Variants in FAAP100 observed in about 807,000 individuals in gnomAD.
FAAP100 encodes FA core complex associated protein 100, also known as Fanconi anemia core complex-associated protein 100.
A neutral mutation model predicts 65.8 loss-of-function variants in FAAP100; 46 were observed. The observed-to-expected ratio is 0.70, with a 90% CI of 0.55 to 0.89. The LOEUF (loss-of-function observed/expected upper bound fraction) is 0.89, where lower values mean the gene tolerates loss of function less well. FAAP100 is among the 40% of genes least tolerant of loss of function. FAAP100 has a pLI of 0.00. For missense variants in FAAP100, 1,165 were observed against 1,196.7 expected (o/e 0.97, Z 0.39); for synonymous variants, 663 against 555.1 (o/e 1.19, Z -2.73).
rs1240818001 is a variant in FAAP100, at chr17:81,540,011, C to T, written c.*808G>A. 2.8e-5 allele frequency: 11 copies of T among 398,886 alleles called. No homozygotes were observed. Among genetic ancestry groups the T allele is most frequent in the Non-Finnish European group, 4.4e-5 (10 of 226,194 alleles). 24.7% of individuals were successfully genotyped at this position (398,886 alleles called of 1,614,324 possible). A position where few individuals can be genotyped will look rare whatever the true frequency, so the allele number is the denominator to read the frequency against. On this transcript the variant is annotated 3_prime_UTR_variant, in exon 9 of 9. Coordinates refer to ENST00000327787, the MANE Select transcript of FAAP100 (RefSeq NM_025161.6). ...GAGCACCCTCCCCAGATGAAAACAC[C>T]AGCACCAGGAGGTGGGCCGTAGCCC...
In FAAP100 at chr17:81,541,411, GAC is replaced by G; in HGVS notation, c.2428-18_2428-17del. ...TCACCATCGTCTGGGGGACACAGGAGACATGCTGGAGAGGGTGTGCCCCAGCA... is the reference window on the plus strand; with the variant it reads ...TCACCATCGTCTGGGGGACACAGGAGATGCTGGAGAGGGTGTGCCCCAGCA... On this transcript the variant is annotated splice_polypyrimidine_tract_variant and intron_variant, in intron 7 of 8. Coordinates refer to ENST00000327787, the MANE Select transcript of FAAP100 (RefSeq NM_025161.6). 6.3e-7 allele frequency: 1 copy of G among 1,586,294 alleles called. No homozygotes were observed. The highest frequency in any genetic ancestry group is 8.6e-7 in the Non-Finnish European group (1 of 1,160,308).
At chr17:81,550,202 G>A in intron 3 of FAAP100, 46 bp downstream of exon 3, 5 of 1,510,388 alleles carry the variant, frequency 3.3e-6, no homozygotes, top group Non-Finnish European at 4.5e-6. Context: ...CAAAAAGGGT[G>A]CTCCACCCTG....
Position 81,540,762 on chromosome 17 carries a change from G to T in FAAP100, c.*57C>A. 6.9e-7 allele frequency: 1 copy of T among 1,455,762 alleles called. No individual in the cohort carries two copies. 90.2% of individuals were successfully genotyped at this position (1,455,762 alleles called of 1,614,324 possible). ...GTTTCCCTCTAACCCATGAGGCCTG[G>T]GGGGGCTGTGACAGAGGCTGGAAGC... On this transcript the variant is annotated 3_prime_UTR_variant, in exon 9 of 9. Coordinates refer to ENST00000327787, the MANE Select transcript of FAAP100 (RefSeq NM_025161.6).
At position 81,551,083 on chromosome 17, in the gene FAAP100, G is replaced by A; in HGVS notation, c.411C>T (p.Asp137=). ...DAALCAFTLL[D]SVLVTLVQGP... is the part of the protein sequence containing the mutation. Reference sequence around the variant, plus strand: ...CCTGCACCAGGGTGACCAGCACACTGTCCAGCAAGGTGAACGCGCACAGCG... The same window carrying A: ...CCTGCACCAGGGTGACCAGCACACTATCCAGCAAGGTGAACGCGCACAGCG... Residue 137 remains aspartate (D), a synonymous_variant, in exon 3 of 9, where the codon GAC becomes GAT. Transcript: ENST00000327787. 6.3e-7 allele frequency: 1 copy of A among 1,576,932 alleles called. No homozygotes were observed. The highest frequency in any genetic ancestry group is 8.6e-7 in the Non-Finnish European group (1 of 1,161,592).
At chr17:81,544,314 C>A (rs1352368400) in intron 6 of FAAP100, among the ~76,000 whole-genome samples, 194 bp from the exon 7 acceptor site, 1 of 152,242 alleles carries the variant, frequency 6.6e-6, no homozygotes, top group African/African-American at 2.4e-5. Flanking sequence ...CCTGAAGAAC[C>A]AGCCACCAAC....
rs1050319000 is a variant in FAAP100 at position 81,540,140 on chromosome 17, C to T, written c.*679G>A. On this transcript the variant is annotated 3_prime_UTR_variant, in exon 9 of 9. Transcript: ENST00000327787. ...TAGTGCACAGTGCTGGGTACTGCCC[C>T]GGCTGGAGGCACCTAGTTGTTGAGC... 22 of 398,534 alleles carry T rather than the reference C, an allele frequency of 5.5e-5. No individual in the cohort carries two copies. The highest frequency in any genetic ancestry group is 3.1e-4 in the African/African-American group (15 of 48,620). 24.7% of individuals were successfully genotyped at this position (398,534 alleles called of 1,614,324 possible). A position where few individuals can be genotyped will look rare whatever the true frequency, so the allele number is the denominator to read the frequency against.
At chr17:81,546,100 T>A (rs7406026) in intron 5 of FAAP100, among the ~76,000 whole-genome samples, 111,167 of 152,200 alleles carry the variant, frequency 0.73, 41,068 homozygotes, top group Non-Finnish European at 0.78. Context: ...AAGTCCTACG[T>A]TGGGTGGTGG....
rs2143923366 is a variant in FAAP100 at position 81,540,444 on chromosome 17, TG to T, written c.*374del. 2.5e-6 allele frequency: 1 copy of T among 405,128 alleles called. No individual in the cohort carries two copies. Among genetic ancestry groups the T allele is most frequent in the Admixed American group, 4.2e-5 (1 of 24,084 alleles). 25.1% of individuals were successfully genotyped at this position (405,128 alleles called of 1,614,324 possible). ...CCAAACCCCAGAAATCCTGTTTCTC[TG>T]GCCCTCCGGGTCCAGAATGCCCTGC... is the stretch of plus-strand genomic sequence containing the variant. On this transcript the variant is annotated 3_prime_UTR_variant, in exon 9 of 9. Transcript: ENST00000327787.
chr17:81,540,958 T>C lies in FAAP100; in HGVS notation c.2515-8A>G, dbSNP rs777507850. On this transcript the variant is annotated splice_region_variant and splice_polypyrimidine_tract_variant and intron_variant, in intron 8 of 8. Transcript: ENST00000327787. ...CACCTCCCGCAGCAGTGTCTGCAGG[T>C]GAAGCAGACACAGCTCAGGCCCCCC... 1.3e-6 allele frequency: 2 copies of C among 1,574,150 alleles called. No homozygotes were observed. The highest frequency in any genetic ancestry group is 1.7e-6 in the Non-Finnish European group (2 of 1,162,470).
At chr17:81,551,492 G>A (rs1598601631) in intron 2 of FAAP100, among the ~76,000 whole-genome samples, 1 of 152,258 alleles carries the variant, frequency 6.6e-6, no homozygotes, top group South Asian at 2.1e-4. Flanking sequence ...AGCCTGGGCC[G>A]CGGTCAGCAG....
At chr17:81,552,572 C>T (rs1302649228), upstream of FAAP100, among the ~76,000 whole-genome samples, 1 of 152,168 alleles carries the variant, frequency 6.6e-6, no homozygotes, top group Non-Finnish European at 1.5e-5. Context: ...CGAGGTTGAC[C>T]CGGCCGGGCT....
intron 5 of FAAP100, chr17:81,546,681 G>A (rs1008578263): frequency 4.8e-6 from 2 of 413,828 alleles, no homozygotes; most frequent in Non-Finnish European, 8.3e-6. Flanking sequence ...GGAGAGGGAG[G>A]AACAGCCCAT....
In FAAP100 at chr17:81,550,901, C is replaced by T. The variant is rs779379161; in HGVS notation, c.593G>A (p.Cys198Tyr). ...PAAPHFLPVL[C>Y]SVSPSGSRVP... is the part of the protein sequence containing the mutation. ...CCTGGAGCCTGATGGTGACACAGAG[C>T]ACAGCACTGGAAGGAAGTGGGGGGC... The change falls in exon 3 of 9, where the codon TGC becomes TAC. Residue 198 changes from cysteine (C) to tyrosine (Y), a missense_variant. Cys to Tyr is a radical substitution (Grantham distance 194). Coordinates refer to ENST00000327787, the MANE Select transcript of FAAP100 (RefSeq NM_025161.6). The T allele has an allele frequency of 5.6e-6, 9 of 1,612,450 alleles. No homozygotes were observed. The African/African-American group carries it at 6.7e-5, about 12-fold the overall frequency.
intron 5 of FAAP100, 104 bp downstream of exon 5, chr17:81,546,805 G>A (rs1598594767): frequency 1.4e-5 from 17 of 1,184,948 alleles, no homozygotes; most frequent in Non-Finnish European, 1.9e-5. Context: ...AGTGAGCCAT[G>A]ATTGCACCAC....
chr17:81,544,049 CAG>C lies in FAAP100; in HGVS notation c.2380_2381del (p.Leu794GlyfsTer30). ...CATGGTGCGCCCTGCAAATGTCGGC[CAG>C]AGAGGAGCTTTCCACTTGAATCTCC... is the stretch of plus-strand genomic sequence containing the variant. ...AVEIQVESSS[L>X]ADICRAHHAV... On this transcript the variant is annotated frameshift_variant, in exon 7 of 9. Transcript: ENST00000327787. LOFTEE classifies it high-confidence loss of function. The C allele has an allele frequency of 6.2e-7, 1 of 1,612,734 alleles. No individual in the cohort carries two copies. Among genetic ancestry groups the C allele is most frequent in the Non-Finnish European group, 8.5e-7 (1 of 1,179,836 alleles).
chr17:81,552,356 G>A (rs4076968), upstream of FAAP100: 829,767 of 1,338,674 alleles, frequency 0.62, 259,533 homozygotes, highest in South Asian at 0.69. Context: ...GTCAGAGTGA[G>A]AAGCCCCGGC....
chr17:81,551,903 AG>A, intron 2 of FAAP100, 24 bp downstream of exon 2: 1 of 1,532,870 alleles, frequency 6.5e-7, no homozygotes. Flanking sequence ...AGTGTGCGGG[AG>A]GGAGGCCGCG....
At chr17:81,551,342 C>G (rs775354929) in intron 2 of FAAP100, 139 bp from the exon 3 acceptor site, 2 of 814,636 alleles carry the variant, frequency 2.5e-6, no homozygotes, top group Non-Finnish European at 3.7e-6. Flanking sequence ...CCATCTGCCA[C>G]ATGGCCTCCC....
chr17:81,548,258 G>C, intron 4 of FAAP100: 1 of 516,794 alleles, frequency 1.9e-6, no homozygotes, highest in Non-Finnish European at 3.5e-6. Flanking sequence ...CAGTGCTGCG[G>C]GAGGAAAAGC....
Sources: gnomAD v4.1 joint callset for allele counts (sites outside exome capture counted in the v4.1 genomes callset) on GRCh38, gnomAD v4.1.1 for gene constraint, MANE v1.5 for transcripts, NCBI Gene and HGNC (gene_info 2026-07-23, HGNC 2026-07-21) for gene names.